Variants in TERB1 observed in about 807,000 individuals in gnomAD.
TERB1 encodes telomere repeat binding bouquet formation protein 1.
A neutral mutation model predicts 92.3 loss-of-function variants in TERB1; 63 were observed. The ratio of observed to expected loss-of-function variants is 0.68; its 90% CI spans 0.56 to 0.84. The LOEUF (loss-of-function observed/expected upper bound fraction) is 0.84, where lower values mean the gene tolerates loss of function less well. Among genes scored for constraint, TERB1 ranks in the 40% least tolerant of loss-of-function variants. The pLI is 0.00. For synonymous variants in TERB1, 252 were observed against 283.9 expected (o/e 0.89, Z 1.13); for missense variants, 709 against 843.7 (o/e 0.84, Z 1.98).
intron 14 of TERB1, 36 bp from the exon 15 acceptor site, chr16:66,768,204 A>G: frequency 6.9e-7 from 1 of 1,457,388 alleles, no homozygotes; most frequent in Non-Finnish European, 9.4e-7. Context: ...CTAAAAGTAA[A>G]CATACTGTTT....
intron 10 of TERB1, among the ~76,000 whole-genome samples, chr16:66,777,925 C>A (rs1299129178): frequency 6.6e-6 from 1 of 152,136 alleles, no homozygotes; most frequent in Non-Finnish European, 1.5e-5. Flanking sequence ...ATACTAATAT[C>A]AACAAAAAAG....
chr16:66,775,018 G>A, intron 12 of TERB1, 100 bp downstream of exon 12: 1 of 1,274,012 alleles, frequency 7.8e-7, no homozygotes, highest in Non-Finnish European at 1.1e-6. Flanking sequence ...TCAAATGTAA[G>A]AAGAATCTGA....
At chr16:66,792,848 A>C (rs1365248872) in intron 3 of TERB1, among the ~76,000 whole-genome samples, 2 of 152,152 alleles carry the variant, frequency 1.3e-5, no homozygotes, top group Non-Finnish European at 2.9e-5. Flanking sequence ...AAACATAGAA[A>C]AGCTATAATA....
chr16:66,764,321 A>C (rs961799938), intron 16 of TERB1, among the ~76,000 whole-genome samples: 2 of 152,200 alleles, frequency 1.3e-5, no homozygotes, highest in Non-Finnish European at 2.9e-5. Flanking sequence ...GGATAAGGGA[A>C]ACGTTTAGGA....
At chr16:66,788,622 A>T (rs2018768286) in intron 5 of TERB1, among the ~76,000 whole-genome samples, 1 of 152,114 alleles carries the variant, frequency 6.6e-6, no homozygotes, top group Non-Finnish European at 1.5e-5. Flanking sequence ...AGGATGAGTA[A>T]CAAAACATAG....
At chr16:66,785,967 AT>A in intron 8 of TERB1, 46 bp downstream of exon 8, 1 of 1,527,726 alleles carries the variant, frequency 6.5e-7, no homozygotes, top group Non-Finnish European at 8.8e-7. Context: ...ATCAGTTTTC[AT>A]TTGTTTTTAT....
At chr16:66,788,388 G>T (rs1026008482) in intron 5 of TERB1, 91 bp from the exon 6 acceptor site, 16 of 1,074,376 alleles carry the variant, frequency 1.5e-5, no homozygotes, top group Non-Finnish European at 2.1e-5. Flanking sequence ...CCTAACTGGC[G>T]ATGGTTCTTA....
At chr16:66,759,357 C>T (rs2018191643) in intron 16 of TERB1, 67 bp from the exon 17 acceptor site, 1 of 1,267,340 alleles carries the variant, frequency 7.9e-7, no homozygotes, top group African/African-American at 1.5e-5. Flanking sequence ...TCTATGATAG[C>T]AAATATCTAT....
Position 66,781,809 on chromosome 16 carries a change from C to T in TERB1, c.701-2794G>A, listed in dbSNP as rs182937102. Among the ~76,000 whole-genome samples, 1,429 of 152,266 alleles carry T rather than the reference C, an allele frequency of 9.4e-3. 34 individuals carry two copies. The highest frequency in any genetic ancestry group is 0.048 in the Admixed American group (732 of 15,294). On this transcript the variant is annotated intron_variant, in intron 9 of 18. Transcript: ENST00000433154. ...TGCTGGCATTACAGGGGTGAGCCAC[C>T]GTGCTGGGCCCAAATTCTTAATCAG... is the stretch of plus-strand genomic sequence containing the variant.
intron 14 of TERB1, among the ~76,000 whole-genome samples, chr16:66,769,227 T>A (rs912241363): frequency 1.1e-4 from 17 of 152,200 alleles, no homozygotes; most frequent in African/African-American, 3.9e-4. Flanking sequence ...GACCATATCT[T>A]ACTGCTTCCC....
intron 12 of TERB1, among the ~76,000 whole-genome samples, chr16:66,774,683 C>CCT (rs386384962): frequency 0.015 from 610 of 40,184 alleles, 21 homozygotes; most frequent in African/African-American, 0.046. Context: ...CTCTGATTTT[C>CCT]TTTTTTTTTT....
intron 18 of TERB1, among the ~76,000 whole-genome samples, chr16:66,755,393 A>G (rs2018121277): frequency 1.3e-5 from 2 of 152,258 alleles, no homozygotes; most frequent in African/African-American, 4.8e-5. Context: ...AACTTAATTG[A>G]CAGTAGTAAT....
At chr16:66,769,766 T>C (rs988666030) in intron 14 of TERB1, among the ~76,000 whole-genome samples, 197 bp downstream of exon 14, 4 of 152,158 alleles carry the variant, frequency 2.6e-5, no homozygotes, top group Admixed American at 6.5e-5. Flanking sequence ...CAGTATGACA[T>C]TGCAGGGCCC....
At chr16:66,793,714 T>C (rs28485100) in intron 3 of TERB1, among the ~76,000 whole-genome samples, 28,484 of 151,974 alleles carry the variant, frequency 0.19, 5,371 homozygotes, top group African/African-American at 0.49. Context: ...GGTTTCACCA[T>C]ATTGCCCAGG....
rs150969447 is a variant in TERB1, at chr16:66,771,989, T to C, written c.1272+600A>G. Reference sequence around the variant, plus strand: ...CTTTCTTGAACCCCAATTATTCAGATGTTAGATCTCTTGGCTCAATATTCC... The same window carrying C: ...CTTTCTTGAACCCCAATTATTCAGACGTTAGATCTCTTGGCTCAATATTCC... On this transcript the variant is annotated intron_variant, in intron 13 of 18. Coordinates refer to ENST00000433154, the MANE Select transcript of TERB1 (RefSeq NM_001136505.2). Among the ~76,000 whole-genome samples, 436 of 152,340 alleles carry C rather than the reference T, an allele frequency of 2.9e-3. 2 individuals are homozygous for C. The highest frequency in any genetic ancestry group is 9.4e-3 in the African/African-American group (390 of 41,580).
chr16:66,773,423 T>G (rs1484868196), intron 12 of TERB1, among the ~76,000 whole-genome samples: 1 of 152,160 alleles, frequency 6.6e-6, no homozygotes, highest in Non-Finnish European at 1.5e-5. Context: ...TGTCTGCAGT[T>G]TTTCTTCCAC....
At chr16:66,787,112 T>A (rs373459228) in intron 6 of TERB1, among the ~76,000 whole-genome samples, 11 of 152,104 alleles carry the variant, frequency 7.2e-5, no homozygotes, top group Middle Eastern at 3.4e-3. Context: ...GCATTTCTTT[T>A]TTTTGAGGCA....
upstream of TERB1, among the ~76,000 whole-genome samples, chr16:66,801,984 A>C (rs1045454964): frequency 1.3e-5 from 2 of 152,164 alleles, no homozygotes; most frequent in African/African-American, 2.4e-5. Flanking sequence ...AGGGGCAGCC[A>C]GGCCTCCACC....
At chr16:66,766,211 G>A (rs2018344465) in intron 16 of TERB1, among the ~76,000 whole-genome samples, 1 of 152,074 alleles carries the variant, frequency 6.6e-6, no homozygotes, top group African/African-American at 2.4e-5. Flanking sequence ...CATAGTTCAA[G>A]GTGGAACAAA....
Sources: gnomAD v4.1 joint callset for allele counts (sites outside exome capture counted in the v4.1 genomes callset) on GRCh38, gnomAD v4.1.1 for gene constraint, MANE v1.5 for transcripts, NCBI Gene and HGNC (gene_info 2026-07-23, HGNC 2026-07-21) for gene names.